The following ROBO2 variants were observed in gnomAD, a reference collection of about 807,000 sequenced individuals.
The protein encoded by ROBO2 is roundabout homolog 2.
A neutral mutation model predicts 160.8 loss-of-function variants in ROBO2; 53 were observed. That is an observed-to-expected ratio of 0.33 (90% confidence interval 0.26 to 0.41). ROBO2 has a LOEUF of 0.41. Among genes scored for constraint, ROBO2 ranks in the 10% least tolerant of loss-of-function variants. The pLI, the probability that ROBO2 is intolerant of heterozygous loss-of-function variation, is 1.00. For missense variants in ROBO2, 1,577 were observed against 1,722.4 expected (o/e 0.92, Z 1.49); for synonymous variants, 664 against 611.7 (o/e 1.09, Z -1.26).
intron 2 of ROBO2, among the ~76,000 whole-genome samples, chr3:76,253,889 C>G (rs544697064): frequency 6.6e-6 from 1 of 151,474 alleles, no homozygotes; most frequent in Non-Finnish European, 1.5e-5. Context: ...CTCAGGAGAA[C>G]ACTTATCTTG....
chr3:76,660,508 G>A (rs953207486), intron 2 of ROBO2, among the ~76,000 whole-genome samples: 1 of 152,128 alleles, frequency 6.6e-6, no homozygotes, highest in Non-Finnish European at 1.5e-5. Flanking sequence ...GCTATACCAC[G>A]TGTAGAGCCC....
At chr3:76,495,030 A>G (rs947485760) in intron 2 of ROBO2, among the ~76,000 whole-genome samples, 3 of 152,162 alleles carry the variant, frequency 2.0e-5, no homozygotes, top group Admixed American at 2.0e-4. Context: ...GTCCTTTAAA[A>G]TGCTTAATTC....
At chr3:77,319,507 C>A (rs1403373705) in intron 2 of ROBO2, among the ~76,000 whole-genome samples, 1 of 152,090 alleles carries the variant, frequency 6.6e-6, no homozygotes, top group Non-Finnish European at 1.5e-5. Flanking sequence ...AGGCCTTTGT[C>A]TGGTCATTAG....
At chr3:76,501,602 T>C (rs1577684214) in intron 2 of ROBO2, among the ~76,000 whole-genome samples, 1 of 152,176 alleles carries the variant, frequency 6.6e-6, no homozygotes, top group African/African-American at 2.4e-5. Flanking sequence ...AAATAAAATC[T>C]CCTAGCTAAT....
At chr3:76,597,330 C>G (rs13098168) in intron 2 of ROBO2, among the ~76,000 whole-genome samples, 48,378 of 151,774 alleles carry the variant, frequency 0.32, 8,608 homozygotes, top group South Asian at 0.44. Context: ...AAAGCCAAAG[C>G]TTGAGAGAAA....
intron 2 of ROBO2, among the ~76,000 whole-genome samples, chr3:76,525,622 C>A (rs896084878): frequency 3.3e-5 from 5 of 151,932 alleles, no homozygotes; most frequent in Non-Finnish European, 5.9e-5. Context: ...TGTGCTGTTA[C>A]ATTAGGAACG....
chr3:77,295,310 G>T (rs1275305586), intron 2 of ROBO2, among the ~76,000 whole-genome samples: 4 of 149,010 alleles, frequency 2.7e-5, no homozygotes, highest in African/African-American at 1.0e-4. Context: ...TAAAATTGAC[G>T]GCTAAACGGG....
At chr3:76,252,900 G>C (rs533084346) in intron 2 of ROBO2, among the ~76,000 whole-genome samples, 1 of 151,974 alleles carries the variant, frequency 6.6e-6, no homozygotes, top group South Asian at 2.1e-4. Context: ...AACTCGGGCA[G>C]CAGTTAGTGC....
chr3:76,693,488 T>TAC (rs2092858404), intron 2 of ROBO2, among the ~76,000 whole-genome samples: 2 of 96,750 alleles, frequency 2.1e-5, no homozygotes, highest in Admixed American at 2.0e-4. Context: ...TGTGTGTGTA[T>TAC]ATATACATAT....
chr3:76,449,372 T>G lies in ROBO2; in HGVS notation c.109+511770T>G, dbSNP rs1275109700. Among the ~76,000 whole-genome samples, 3 of 152,082 alleles carry G rather than the reference T, an allele frequency of 2.0e-5. No homozygotes were observed. In the South Asian group the frequency reaches 6.2e-4, roughly 31 times the overall value. On this transcript the variant is annotated intron_variant, in intron 2 of 26. Coordinates refer to the ROBO2 transcript ENST00000487694. The stretch of plus-strand genomic sequence containing the variant: ...CCACTGTGTAGAACACTAGAATAGA[T>G]TTTTAGCATTCACAATAAGCTTTCT...
chr3:77,009,939 C>CT (rs1307851276), intron 2 of ROBO2, among the ~76,000 whole-genome samples: 7 of 88,216 alleles, frequency 7.9e-5, no homozygotes, highest in Non-Finnish European at 4.3e-5. Context: ...GAGTGAGACT[C>CT]TGTCTTAAAA....
intron 2 of ROBO2, among the ~76,000 whole-genome samples, chr3:77,298,896 C>T (rs1451156001): frequency 1.3e-5 from 2 of 152,146 alleles, no homozygotes; most frequent in African/African-American, 2.4e-5. Flanking sequence ...TATAATAAAA[C>T]ACTGACTGAC....
At position 76,773,604 on chromosome 3, in the gene ROBO2, A is replaced by G. The variant is rs190039532; in HGVS notation, c.110-324410A>G. On this transcript the variant is annotated intron_variant, in intron 2 of 26. Transcript: ENST00000487694. ...TTTTTTTTAATTTTGCAGCATAGTAAAACACCTGTGAAATAAACTTCAATA... is the reference window on the plus strand; with the variant it reads ...TTTTTTTTAATTTTGCAGCATAGTAGAACACCTGTGAAATAAACTTCAATA... Among the ~76,000 whole-genome samples the G allele has an allele frequency of 3.1e-3, 462 of 150,848 alleles. 1 individual carries two copies. The highest frequency in any genetic ancestry group is 0.011 in the African/African-American group (448 of 41,368).
At chr3:77,303,188 C>T (rs2062806363) in intron 2 of ROBO2, among the ~76,000 whole-genome samples, 1 of 152,102 alleles carries the variant, frequency 6.6e-6, no homozygotes, top group Non-Finnish European at 1.5e-5. Context: ...TTCTATATTG[C>T]TACAAAGCAC....
chr3:77,638,738 C>CTA (rs1476091793), intron 24 of ROBO2, among the ~76,000 whole-genome samples: 1 of 150,350 alleles, frequency 6.7e-6, no homozygotes, highest in African/African-American at 2.5e-5. Context: ...TTAACCAATG[C>CTA]TAAAAAAGAT....
chr3:75,939,415 T>C (rs1383435115), intron 2 of ROBO2, among the ~76,000 whole-genome samples: 4 of 152,186 alleles, frequency 2.6e-5, no homozygotes, highest in Non-Finnish European at 5.9e-5. Flanking sequence ...ATTGCTCAAA[T>C]ATTCTATCTT....
chr3:76,173,369 C>T (rs1431107262), intron 2 of ROBO2, among the ~76,000 whole-genome samples: 1 of 151,802 alleles, frequency 6.6e-6, no homozygotes, highest in Non-Finnish European at 1.5e-5. Flanking sequence ...AATTGAAGTT[C>T]TGGGATACAT....
At chr3:76,530,880 AC>A (rs2108049029) in intron 2 of ROBO2, among the ~76,000 whole-genome samples, 2 of 152,238 alleles carry the variant, frequency 1.3e-5, no homozygotes, top group East Asian at 3.9e-4. Context: ...TTCTCTCTTT[AC>A]CTTCATTTCC....
chr3:76,370,067 G>A (rs892860081), intron 2 of ROBO2, among the ~76,000 whole-genome samples: 2 of 151,896 alleles, frequency 1.3e-5, no homozygotes, highest in African/African-American at 4.8e-5. Context: ...AATAGAACAT[G>A]CTATGTAGAA....
Sources: allele counts gnomAD v4.1 joint callset (sites outside exome capture counted in the v4.1 genomes callset), GRCh38; gene constraint gnomAD v4.1.1; transcripts MANE v1.5; gene names NCBI Gene and HGNC (gene_info 2026-07-23, HGNC 2026-07-21).